HACD3: variants seen among roughly 807,000 people sequenced by gnomAD.
HACD3 encodes 3-hydroxyacyl-CoA dehydratase 3.
In HACD3, 30 loss-of-function variants were observed where a neutral mutation model predicts 55.2. The ratio of observed to expected loss-of-function variants is 0.54; its 90% CI spans 0.41 to 0.74. The LOEUF (loss-of-function observed/expected upper bound fraction) is 0.74. Among genes scored for constraint, HACD3 ranks in the 30% least tolerant of loss-of-function variants. The pLI, the probability that HACD3 is intolerant of heterozygous loss-of-function variation, is 0.00. For synonymous variants in HACD3, 141 were observed against 151.7 expected (o/e 0.93, Z 0.52); for missense variants, 363 against 440.1 (o/e 0.82, Z 1.57).
In HACD3 at chr15:65,567,734, C is replaced by T. The variant is rs552593681; in HGVS notation, c.661-2357C>T. ...GCCTTAAAAATGAAAGAAATTCTCT[C>T]GTATGCTACAATGTGGATGAACCTT... On this transcript the variant is annotated intron_variant, in intron 7 of 10. Coordinates refer to ENST00000261875, the MANE Select transcript of HACD3 (RefSeq NM_016395.4). Among the ~76,000 whole-genome samples, 179 of 152,168 alleles carry T rather than the reference C, an allele frequency of 1.2e-3. 1 individual carries two copies. Among genetic ancestry groups the T allele is most frequent in the African/African-American group, 3.4e-3 (142 of 41,504 alleles).
intron 9 of HACD3, among the ~76,000 whole-genome samples, chr15:65,572,034 T>G (rs2072353184): frequency 6.6e-6 from 1 of 152,312 alleles, no homozygotes; most frequent in Non-Finnish European, 1.5e-5. Context: ...TCCTCATCTG[T>G]CTCTCTGTTG....
At chr15:65,540,609 A>G (rs992142128) in intron 1 of HACD3, among the ~76,000 whole-genome samples, 3 of 152,132 alleles carry the variant, frequency 2.0e-5, no homozygotes, top group South Asian at 2.1e-4. Flanking sequence ...GGATATTAGT[A>G]TGTTTGGAGT....
rs772332331 is a variant in HACD3 at position 65,572,255 on chromosome 15, AT to A, written c.903del (p.Pro302GlnfsTer17). ...TTCAGCTGTCTCAGTGATTCAGTCCATTCCAATATTCAATGAGACCGGACGA... is the reference window on the plus strand; with the variant it reads ...TTCAGCTGTCTCAGTGATTCAGTCCATCCAATATTCAATGAGACCGGACGA... ...LAEAVSVIQS[I>X]PIFNETGRFS... On this transcript the variant is annotated frameshift_variant, in exon 10 of 11. Transcript: ENST00000261875. LOFTEE classifies it high-confidence loss of function. 1 of 1,612,932 alleles carries A rather than the reference AT, an allele frequency of 6.2e-7. No individual in the cohort carries two copies. The highest frequency in any genetic ancestry group is 2.2e-5 in the East Asian group (1 of 44,866).
At chr15:65,542,811 C>T (rs1476732326) in intron 1 of HACD3, among the ~76,000 whole-genome samples, 2 of 151,956 alleles carry the variant, frequency 1.3e-5, no homozygotes, top group Non-Finnish European at 2.9e-5. Flanking sequence ...CTTGGTGGCT[C>T]ATGCCTGTAA....
intron 1 of HACD3, among the ~76,000 whole-genome samples, chr15:65,545,707 G>A (rs2072069756): frequency 6.6e-6 from 1 of 151,766 alleles, no homozygotes; most frequent in African/African-American, 2.4e-5. Flanking sequence ...GCCCGCCTCG[G>A]CCTCCCAAAG....
intron 2 of HACD3, 99 bp from the exon 3 acceptor site, chr15:65,554,786 AGT>A (rs2072172163): frequency 2.6e-6 from 2 of 774,728 alleles, no homozygotes. Context: ...AAAAAAAAAA[AGT>A]GTAATATTCG....
At chr15:65,569,367 A>G (rs2072326491) in intron 7 of HACD3, among the ~76,000 whole-genome samples, 1 of 152,112 alleles carries the variant, frequency 6.6e-6, no homozygotes, top group Non-Finnish European at 1.5e-5. Flanking sequence ...AACAGGCAAA[A>G]TGAAACAATA....
At chr15:65,549,635 A>T (rs1315979889) in intron 1 of HACD3, among the ~76,000 whole-genome samples, 2 of 151,382 alleles carry the variant, frequency 1.3e-5, no homozygotes, top group African/African-American at 4.8e-5. Context: ...AAAGCCCAAG[A>T]CCCACCAAAG....
intron 8 of HACD3, among the ~76,000 whole-genome samples, chr15:65,570,998 A>G (rs2072342698): frequency 1.3e-5 from 2 of 152,236 alleles, no homozygotes; most frequent in Non-Finnish European, 2.9e-5. Flanking sequence ...GTGCTGATGT[A>G]ACAAGGTTTG....
At chr15:65,549,575 G>C (rs1441390903) in intron 1 of HACD3, among the ~76,000 whole-genome samples, 1 of 148,024 alleles carries the variant, frequency 6.8e-6, no homozygotes, top group East Asian at 1.9e-4. Flanking sequence ...ACTCCAGCCT[G>C]GGTGACAAAG....
intron 4 of HACD3, among the ~76,000 whole-genome samples, chr15:65,557,453 C>T (rs2072204361): frequency 7.0e-6 from 1 of 141,994 alleles, no homozygotes; most frequent in Non-Finnish European, 1.5e-5. Context: ...CCAGCCTGGG[C>T]AACAGAGCGA....
intron 5 of HACD3, 146 bp downstream of exon 5, chr15:65,558,877 C>T: frequency 1.1e-6 from 1 of 883,034 alleles, no homozygotes. Flanking sequence ...AGGTCCAGTG[C>T]TTAAGGTCTG....
At chr15:65,557,249 G>A (rs143615927) in intron 4 of HACD3, among the ~76,000 whole-genome samples, 165 of 152,256 alleles carry the variant, frequency 1.1e-3, no homozygotes, top group African/African-American at 3.5e-3. Context: ...GCCAAGGTGC[G>A]TGGATCACGA....
At chr15:65,546,715 G>A (rs528369284) in intron 1 of HACD3, among the ~76,000 whole-genome samples, 9 of 152,144 alleles carry the variant, frequency 5.9e-5, no homozygotes, top group African/African-American at 1.9e-4. Flanking sequence ...TGCTGGGATT[G>A]CAGGTGTGAG....
chr15:65,561,268 A>T (rs1474817644), intron 5 of HACD3, among the ~76,000 whole-genome samples: 1 of 152,092 alleles, frequency 6.6e-6, no homozygotes. Flanking sequence ...GGAGTTTAAG[A>T]CCACCCTGGC....
chr15:65,558,365 T>C (rs2072214450), intron 4 of HACD3, among the ~76,000 whole-genome samples: 1 of 152,232 alleles, frequency 6.6e-6, no homozygotes. Context: ...AACTTCTGTT[T>C]TATTTCTCTG....
chr15:65,570,127 G>C lies in HACD3; in HGVS notation c.697G>C (p.Gly233Arg). 6.2e-7 allele frequency: 1 copy of C among 1,611,068 alleles called. No individual in the cohort carries two copies. The highest frequency in any genetic ancestry group is 1.1e-5 in the South Asian group (1 of 90,666). ...GRNFILFIIF[G>R]TMEEMQNKAV... is the part of the protein sequence containing the mutation. ...AAATTTTATTTTGTTTATCATCTTT[G>C]GCACCATGGAAGAAATGCAGAACAA... Residue 233 changes from glycine to arginine, a missense_variant, in exon 8 of 11, where the codon GGC becomes CGC. By Grantham distance (125) the Gly-to-Arg change is moderately radical. Transcript: ENST00000261875.
intron 1 of HACD3, among the ~76,000 whole-genome samples, chr15:65,539,387 AT>A (rs1174971628): frequency 6.6e-6 from 1 of 151,726 alleles, no homozygotes; most frequent in Non-Finnish European, 1.5e-5. Flanking sequence ...TGCCCTGCTA[AT>A]TTATGTATTT....
intron 5 of HACD3, among the ~76,000 whole-genome samples, chr15:65,561,009 C>T (rs1356607200): frequency 1.3e-5 from 2 of 152,182 alleles, no homozygotes; most frequent in African/African-American, 2.4e-5. Context: ...GTTCTTCTCA[C>T]AGTACCTTGC....
Sources: gnomAD v4.1 joint callset for allele counts (sites outside exome capture counted in the v4.1 genomes callset) on GRCh38, gnomAD v4.1.1 for gene constraint, MANE v1.5 for transcripts, NCBI Gene and HGNC (gene_info 2026-07-23, HGNC 2026-07-21) for gene names.